FGF14: variants seen among roughly 807,000 people sequenced by gnomAD.
FGF14 encodes the protein fibroblast growth factor 14.
A neutral mutation model predicts 25.5 loss-of-function variants in FGF14; 5 were observed. That is an observed-to-expected ratio of 0.20 (90% CI 0.10 to 0.41). The LOEUF is 0.41. Among genes scored for constraint, FGF14 ranks in the 10% least tolerant of loss-of-function variants. FGF14 has a pLI of 1.00. For missense variants in FGF14, 222 were observed against 320.1 expected, an observed-to-expected ratio of 0.69 and a Z score of 2.34; for synonymous variants, 138 against 118.3, an observed-to-expected ratio of 1.17 and a Z score of -1.08.
chr13:101,779,320 C>T (rs2039343960), intron 3 of FGF14, among the ~76,000 whole-genome samples: 1 of 152,132 alleles, frequency 6.6e-6, no homozygotes. Flanking sequence ...ACAAATATGT[C>T]ATGTGTCCAT....
At chr13:101,772,712 T>G (rs1263730533) in intron 3 of FGF14, among the ~76,000 whole-genome samples, 1 of 152,128 alleles carries the variant, frequency 6.6e-6, no homozygotes, top group Non-Finnish European at 1.5e-5. Context: ...ATCCCACAAA[T>G]TCTTCAAGTT....
intron 1 of FGF14, among the ~76,000 whole-genome samples, chr13:102,205,984 TAAAAAAAAAAAAAAAAAAAAA>T (rs36108366): frequency 1.2e-3 from 58 of 47,458 alleles, no homozygotes; most frequent in South Asian, 4.3e-3. Flanking sequence ...CTCCCTGTGG[TAAAAAAAAAAAAAAAAAAAAA>T]AAAAAAAAAA....
intron 3 of FGF14, among the ~76,000 whole-genome samples, chr13:101,802,892 C>T (rs2040966845): frequency 6.6e-6 from 1 of 152,018 alleles, no homozygotes; most frequent in Non-Finnish European, 1.5e-5. Flanking sequence ...TTTTGAGGCC[C>T]CTGGCTTCGT....
chr13:102,396,144 C>G (rs1411036758), intron 1 of FGF14, among the ~76,000 whole-genome samples: 1 of 152,162 alleles, frequency 6.6e-6, no homozygotes, highest in Non-Finnish European at 1.5e-5. Context: ...GAACACCACA[C>G]AGACTATGGC....
At chr13:101,933,343 A>G (rs895559261) in intron 1 of FGF14, among the ~76,000 whole-genome samples, 18 of 152,202 alleles carry the variant, frequency 1.2e-4, no homozygotes, top group Admixed American at 1.2e-3. Flanking sequence ...ATGCTTTGAG[A>G]GCAATAAATA....
intron 1 of FGF14, among the ~76,000 whole-genome samples, chr13:102,196,563 G>A (rs2049360642): frequency 6.6e-6 from 1 of 152,018 alleles, no homozygotes; most frequent in Non-Finnish European, 1.5e-5. Context: ...ATTTTTCATT[G>A]ACCAATAATA....
chr13:101,990,177 C>T (rs933559740), intron 1 of FGF14, among the ~76,000 whole-genome samples: 3 of 152,060 alleles, frequency 2.0e-5, no homozygotes, highest in Non-Finnish European at 2.9e-5. Flanking sequence ...AGCTAGCAAT[C>T]ACAGGGCCTG....
intron 3 of FGF14, among the ~76,000 whole-genome samples, chr13:101,728,733 A>C (rs2035608163): frequency 6.6e-6 from 1 of 152,146 alleles, no homozygotes; most frequent in South Asian, 2.1e-4. Context: ...TATGAGTGAC[A>C]TGCTGAGAGC....
At chr13:102,115,464 T>C (rs894454391) in intron 1 of FGF14, among the ~76,000 whole-genome samples, 2 of 152,232 alleles carry the variant, frequency 1.3e-5, no homozygotes, top group Non-Finnish European at 1.5e-5. Flanking sequence ...TTTGTATTTC[T>C]CTGATGATTA....
chr13:102,394,562 A>C (rs1200741115), intron 1 of FGF14: 1 of 152,226 alleles, frequency 6.6e-6, no homozygotes, highest in Non-Finnish European at 1.5e-5. Context: ...CTAGGGTCAG[A>C]GGTCATCTCC....
chr13:102,342,972 C>T (rs2056996671), intron 1 of FGF14, among the ~76,000 whole-genome samples: 1 of 152,056 alleles, frequency 6.6e-6, no homozygotes, highest in Admixed American at 6.6e-5. Context: ...TTTTCAACTA[C>T]AACATTAATA....
chr13:102,401,818 A>C (rs1436902911), upstream of FGF14: 4 of 756,720 alleles, frequency 5.3e-6, no homozygotes, highest in Non-Finnish European at 8.9e-6. Context: ...GATTATTACC[A>C]AAGGGTTGGA....
intron 3 of FGF14, among the ~76,000 whole-genome samples, chr13:101,808,619 T>A (rs1030259546): frequency 2.6e-5 from 4 of 152,150 alleles, no homozygotes; most frequent in Admixed American, 2.0e-4. Context: ...GTGGTAGCTA[T>A]AACTTGGCCT....
intron 1 of FGF14, among the ~76,000 whole-genome samples, chr13:102,156,776 C>A (rs112535381): frequency 6.6e-6 from 1 of 152,058 alleles, no homozygotes; most frequent in Non-Finnish European, 1.5e-5. Context: ...TGTCTCAGCC[C>A]AAAATCTCCT....
chr13:102,072,395 G>T (rs948688101), intron 1 of FGF14, among the ~76,000 whole-genome samples: 14 of 151,856 alleles, frequency 9.2e-5, no homozygotes, highest in Non-Finnish European at 1.2e-4. Context: ...AAGGATGGAG[G>T]GCAAAGTATC....
intron 3 of FGF14, among the ~76,000 whole-genome samples, chr13:101,753,155 T>A (rs2037401820): frequency 6.6e-6 from 1 of 152,152 alleles, no homozygotes; most frequent in Non-Finnish European, 1.5e-5. Flanking sequence ...TATCTTTCTC[T>A]TGCAACATTT....
At chr13:102,204,490 T>C (rs2049815510) in intron 1 of FGF14, among the ~76,000 whole-genome samples, 2 of 152,120 alleles carry the variant, frequency 1.3e-5, no homozygotes, top group Admixed American at 1.3e-4. Flanking sequence ...ATATATATGG[T>C]TGGTGCAGGT....
At position 101,770,981 on chromosome 13, in the gene FGF14, C is replaced by G. The variant is rs558827107; in HGVS notation, c.409-44171G>C. ...CACACAGATTTAAAATTATATTAAACTATATTAAATTATATTAAACTATAC... is the reference window on the plus strand; with the variant it reads ...CACACAGATTTAAAATTATATTAAAGTATATTAAATTATATTAAACTATAC... On this transcript the variant is annotated intron_variant, in intron 3 of 4. Transcript: ENST00000376143. Among the ~76,000 whole-genome samples, 138 of 152,050 alleles carry G rather than the reference C, an allele frequency of 9.1e-4. 6 individuals carry two copies. The South Asian group carries it at 0.028, about 31-fold the overall frequency.
In FGF14 at chr13:101,725,487, T is replaced by G. The variant is rs547770938; in HGVS notation, c.607+1125A>C. On this transcript the variant is annotated intron_variant, in intron 4 of 4. Coordinates refer to ENST00000376143, the MANE Select transcript of FGF14 (RefSeq NM_004115.4). The stretch of plus-strand genomic sequence containing the variant: ...AAGAGTGACACTAAGTCAACATCAT[T>G]GAAATTACAGAAGTAGTATTAGCCA... 2.6e-5 allele frequency among the ~76,000 whole-genome samples: 4 copies of G among 152,184 alleles called. No individual in the cohort carries two copies. The East Asian group carries it at 7.7e-4, about 29-fold the overall frequency.
Sources: gnomAD v4.1 joint callset for allele counts (sites outside exome capture counted in the v4.1 genomes callset) on GRCh38, gnomAD v4.1.1 for gene constraint, MANE v1.5 for transcripts, NCBI Gene and HGNC (gene_info 2026-07-23, HGNC 2026-07-21) for gene names.